The following CARMIL1 variants were observed in gnomAD, a reference collection of about 807,000 sequenced individuals.
The protein encoded by CARMIL1 is capping protein regulator and myosin 1 linker 1, also known as F-actin-uncapping protein LRRC16A.
In CARMIL1, 90 loss-of-function variants were observed where a neutral mutation model predicts 177.1. That is an observed-to-expected ratio of 0.51 (90% CI 0.43 to 0.61). The LOEUF (loss-of-function observed/expected upper bound fraction) is 0.61. Ranked by LOEUF, CARMIL1 falls within the 20% of genes least tolerant of loss-of-function variation. CARMIL1 has a pLI of 0.00. For missense variants in CARMIL1, 1,380 were observed against 1,667.0 expected (o/e 0.83, Z 3.00); for synonymous variants, 577 against 606.2 (o/e 0.95, Z 0.71).
At chr6:25,480,858 C>T (rs1262550368) in intron 11 of CARMIL1, among the ~76,000 whole-genome samples, 3 of 149,856 alleles carry the variant, frequency 2.0e-5, no homozygotes, top group African/African-American at 7.3e-5. Context: ...GTAGTTGGAA[C>T]TACCCGCGCC....
In CARMIL1 at chr6:25,424,352, C is replaced by T. The variant is rs938427445; in HGVS notation, c.190-2149C>T. Among the ~76,000 whole-genome samples the T allele has an allele frequency of 5.7e-4, 87 of 152,192 alleles. 1 individual carries two copies. Among genetic ancestry groups the T allele is most frequent in the Non-Finnish European group, 1.8e-4 (12 of 68,040 alleles). ...GGCTCCCCAGCACTTTGTTGTTCTACTCCAGGGACAGCACTCAGGTACAGT... is the reference window on the plus strand; with the variant it reads ...GGCTCCCCAGCACTTTGTTGTTCTATTCCAGGGACAGCACTCAGGTACAGT... On this transcript the variant is annotated intron_variant, in intron 3 of 36. Coordinates refer to ENST00000329474, the MANE Select transcript of CARMIL1 (RefSeq NM_017640.6).
chr6:25,410,045 T>A (rs1394531993), intron 2 of CARMIL1, among the ~76,000 whole-genome samples: 1 of 152,156 alleles, frequency 6.6e-6, no homozygotes, highest in Non-Finnish European at 1.5e-5. Context: ...ATTTCTCTGA[T>A]TATATATGTA....
chr6:25,419,649 T>C (rs1308736987), intron 2 of CARMIL1, among the ~76,000 whole-genome samples: 2 of 152,296 alleles, frequency 1.3e-5, no homozygotes, highest in Middle Eastern at 3.4e-3. Flanking sequence ...CTGTGCATTA[T>C]ATAAATGTTA....
At chr6:25,480,506 G>A (rs1322744435) in intron 11 of CARMIL1, among the ~76,000 whole-genome samples, 1 of 150,942 alleles carries the variant, frequency 6.6e-6, no homozygotes, top group Admixed American at 6.6e-5. Context: ...ATCTTTTTTC[G>A]CTTTTACGTT....
chr6:25,479,197 C>A, intron 11 of CARMIL1: 1 of 519,018 alleles, frequency 1.9e-6, no homozygotes, highest in Non-Finnish European at 3.8e-6. Flanking sequence ...GCCCTGTCCT[C>A]TACCACTTGG....
intron 31 of CARMIL1, among the ~76,000 whole-genome samples, chr6:25,591,440 G>A (rs1487837513): frequency 3.9e-5 from 6 of 152,192 alleles, no homozygotes; most frequent in Non-Finnish European, 7.3e-5. Context: ...AGTGGATTCT[G>A]GCCCCAGGCT....
chr6:25,606,516 G>C (rs919985478), intron 35 of CARMIL1, among the ~76,000 whole-genome samples: 35 of 152,180 alleles, frequency 2.3e-4, no homozygotes, highest in African/African-American at 8.2e-4. Flanking sequence ...CTTGCTTTCA[G>C]GGGTACAGGT....
intron 2 of CARMIL1, among the ~76,000 whole-genome samples, chr6:25,410,673 T>C (rs1328090585): frequency 6.6e-6 from 1 of 152,184 alleles, no homozygotes; most frequent in Non-Finnish European, 1.5e-5. Flanking sequence ...TGGAGTCAAT[T>C]TGTTCCACGA....
chr6:25,603,689 A>G (rs1815650865), intron 33 of CARMIL1, among the ~76,000 whole-genome samples: 1 of 152,170 alleles, frequency 6.6e-6, no homozygotes, highest in Non-Finnish European at 1.5e-5. Context: ...ACTGGTCCAC[A>G]GTGTTTTTGC....
At chr6:25,336,317 C>T (rs1786225710) in intron 2 of CARMIL1, among the ~76,000 whole-genome samples, 1 of 152,280 alleles carries the variant, frequency 6.6e-6, no homozygotes, top group South Asian at 2.1e-4. Context: ...GAATACCTTC[C>T]TCTCCCCATT....
intron 29 of CARMIL1, among the ~76,000 whole-genome samples, chr6:25,568,445 A>C (rs1811762974): frequency 1.3e-5 from 2 of 152,210 alleles, no homozygotes; most frequent in South Asian, 4.1e-4. Flanking sequence ...GTGGAGCCTT[A>C]ACCTGGAAAC....
chr6:25,475,885 A>G (rs556410453), intron 11 of CARMIL1, among the ~76,000 whole-genome samples: 4 of 152,282 alleles, frequency 2.6e-5, no homozygotes, highest in East Asian at 3.9e-4. Context: ...GCAAACTTCC[A>G]TAATAGCACT....
chr6:25,418,389 T>C (rs1795546462), intron 2 of CARMIL1, among the ~76,000 whole-genome samples: 1 of 152,104 alleles, frequency 6.6e-6, no homozygotes, highest in Non-Finnish European at 1.5e-5. Context: ...CTTAATCATA[T>C]TTGAACAATG....
chr6:25,436,579 A>G (rs1581934699), intron 5 of CARMIL1, among the ~76,000 whole-genome samples: 1 of 152,354 alleles, frequency 6.6e-6, no homozygotes, highest in East Asian at 1.9e-4. Context: ...TGGATGACTA[A>G]AAGTGGCTCA....
chr6:25,581,118 A>G, intron 30 of CARMIL1, 125 bp from the exon 31 acceptor site: 1 of 1,268,258 alleles, frequency 7.9e-7, no homozygotes, highest in Non-Finnish European at 1.1e-6. Flanking sequence ...GAGTTCAGTG[A>G]TCTGTGAATG....
chr6:25,578,011 T>C (rs1451579661), intron 29 of CARMIL1, among the ~76,000 whole-genome samples: 1 of 152,204 alleles, frequency 6.6e-6, no homozygotes, highest in East Asian at 1.9e-4. Context: ...TTGAAAATTA[T>C]ACGTTATTGC....
intron 3 of CARMIL1, among the ~76,000 whole-genome samples, chr6:25,421,894 A>C (rs1795893923): frequency 2.2e-5 from 3 of 133,666 alleles, no homozygotes; most frequent in Admixed American, 1.5e-4. Context: ...GGGGGGAGGG[A>C]TAGCATTAGG....
intron 31 of CARMIL1, among the ~76,000 whole-genome samples, chr6:25,592,169 G>A (rs1343050154): frequency 1.3e-5 from 2 of 152,140 alleles, no homozygotes; most frequent in East Asian, 3.8e-4. Context: ...CAGGTGACCA[G>A]TGTGGGTGCC....
chr6:25,386,362 C>T (rs1327878742), intron 2 of CARMIL1, among the ~76,000 whole-genome samples: 1 of 152,140 alleles, frequency 6.6e-6, no homozygotes, highest in Non-Finnish European at 1.5e-5. Flanking sequence ...AAGTGATCCT[C>T]CTGCCTCAGC....
Sources: gnomAD v4.1 joint callset for allele counts (sites outside exome capture counted in the v4.1 genomes callset) on GRCh38, gnomAD v4.1.1 for gene constraint, MANE v1.5 for transcripts, NCBI Gene and HGNC (gene_info 2026-07-23, HGNC 2026-07-21) for gene names.